TRANK1: variants seen among roughly 807,000 people sequenced by gnomAD.
The protein encoded by TRANK1 is tetratricopeptide repeat and ankyrin repeat containing 1.
A neutral mutation model predicts 266.0 loss-of-function variants in TRANK1; 198 were observed. The observed-to-expected ratio is 0.74, with a 90% CI of 0.66 to 0.84. TRANK1 has a LOEUF of 0.84. TRANK1 is among the 40% of genes least tolerant of loss of function. TRANK1 has a pLI of 0.00. For synonymous variants in TRANK1, 1,396 were observed against 1,384.1 expected, an observed-to-expected ratio of 1.01 and a Z score of -0.19; for missense variants, 3,326 against 3,634.6, an observed-to-expected ratio of 0.92 and a Z score of 2.18.
chr3:36,850,147 GT>G (rs2078967603), intron 15 of TRANK1: 2 of 985,244 alleles, frequency 2.0e-6, no homozygotes, highest in Admixed American at 6.2e-5. Flanking sequence ...AAACAACAAA[GT>G]CTTACCCTTC....
At chr3:36,886,151 T>G (rs1281730728) in intron 8 of TRANK1, among the ~76,000 whole-genome samples, 4 of 115,834 alleles carry the variant, frequency 3.5e-5, no homozygotes, top group Non-Finnish European at 6.9e-5. Context: ...TTTTTTTTTT[T>G]TGAGACAAGT....
chr3:36,927,108 T>G (rs2080299127), intron 1 of TRANK1, among the ~76,000 whole-genome samples: 4 of 152,164 alleles, frequency 2.6e-5, no homozygotes, highest in African/African-American at 9.7e-5. Context: ...AGGCTGCAAA[T>G]GCTGTTCCCC....
intron 1 of TRANK1, among the ~76,000 whole-genome samples, chr3:36,936,118 G>A (rs920408907): frequency 1.4e-4 from 22 of 152,156 alleles, no homozygotes; most frequent in Admixed American, 1.3e-3. Flanking sequence ...AATGCTAAAA[G>A]CTAAGAACAA....
Position 36,833,586 on chromosome 3 carries a change from A to AT in TRANK1, c.5996dup (p.Asn1999LysfsTer20). ...GTTCTATGTCGGAATCCCTGGCCAC[A>AT]TTGAGGCGGGCGGCCCCCAGCAGAC... On this transcript the variant is annotated frameshift_variant, in exon 22 of 24. Transcript: ENST00000645898. LOFTEE classifies it high-confidence loss of function. 1 of 1,613,940 alleles carries AT rather than the reference A, an allele frequency of 6.2e-7. No homozygotes were observed. The highest frequency in any genetic ancestry group is 8.5e-7 in the Non-Finnish European group (1 of 1,179,884).
At chr3:36,912,545 A>G (rs1159647274) in intron 1 of TRANK1, among the ~76,000 whole-genome samples, 3 of 152,222 alleles carry the variant, frequency 2.0e-5, no homozygotes, top group Non-Finnish European at 2.9e-5. Context: ...CTATGTCTCT[A>G]TGAGAATTCA....
intron 1 of TRANK1, among the ~76,000 whole-genome samples, chr3:36,920,665 G>A (rs2080201756): frequency 6.6e-6 from 1 of 152,158 alleles, no homozygotes; most frequent in South Asian, 2.1e-4. Context: ...CTACGTTTCA[G>A]CTGCATTTTG....
intron 13 of TRANK1, among the ~76,000 whole-genome samples, chr3:36,853,720 G>A (rs1159212854): frequency 2.0e-5 from 3 of 152,134 alleles, no homozygotes; most frequent in Admixed American, 6.5e-5. Flanking sequence ...ACTATACATG[G>A]ATAAACCTTA....
Position 36,904,998 on chromosome 3 carries a change from T to A in TRANK1, c.156-1723A>T, listed in dbSNP as rs549895438. On this transcript the variant is annotated intron_variant, in intron 2 of 23. Transcript: ENST00000645898. ...TCCCCAACTGCCAAAAAAAAAAAAA[T>A]CCCTGGGTAGGCCGGGCACAGTGGC... Among the ~76,000 whole-genome samples, 164 of 150,064 alleles carry A rather than the reference T, an allele frequency of 1.1e-3. 1 individual carries two copies. Among genetic ancestry groups the A allele is most frequent in the Admixed American group, 1.9e-3 (28 of 15,098 alleles).
intron 1 of TRANK1, among the ~76,000 whole-genome samples, chr3:36,912,731 A>G (rs927729004): frequency 5.9e-5 from 9 of 152,186 alleles, no homozygotes; most frequent in Non-Finnish European, 1.2e-4. Context: ...GAAGTTCTGT[A>G]ACTGACATAC....
intron 1 of TRANK1, 121 bp downstream of exon 1, chr3:36,944,666 G>A: frequency 1.7e-6 from 2 of 1,201,602 alleles, no homozygotes; most frequent in African/African-American, 1.6e-5. Flanking sequence ...GGATGGCCGG[G>A]CGGGCCCGTT....
chr3:36,900,951 C>T (rs1412706419), intron 3 of TRANK1, among the ~76,000 whole-genome samples: 1 of 149,976 alleles, frequency 6.7e-6, no homozygotes, highest in African/African-American at 2.4e-5. Flanking sequence ...AAATTTCTGG[C>T]TATTTAATGA....
intron 15 of TRANK1, 76 bp from the exon 16 acceptor site, chr3:36,847,422 G>GA: frequency 6.5e-7 from 1 of 1,532,782 alleles, no homozygotes; most frequent in South Asian, 1.2e-5. Context: ...GAGCTTCATG[G>GA]AAAACTAAGC....
At position 36,908,666 on chromosome 3, in the gene TRANK1, G is replaced by A; in HGVS notation, c.24-212C>T. 4 of 1,216,712 alleles carry A rather than the reference G, an allele frequency of 3.3e-6. No homozygotes were observed. The South Asian group carries it at 1.3e-4, about 39-fold the overall frequency. 75.4% of individuals were successfully genotyped at this position (1,216,712 alleles called of 1,614,324 possible). On this transcript the variant is annotated intron_variant, in intron 1 of 23. Coordinates refer to ENST00000645898, the MANE Select transcript of TRANK1 (RefSeq NM_001329998.2). ...TTGTCAGTTCTTTTCTGTTCTCAAG[G>A]GTGGCCAGACCAATTCCATTTATTC...
In TRANK1 at chr3:36,832,801, A is replaced by G. The variant is rs201907431; in HGVS notation, c.6782T>C (p.Met2261Thr). 573 of 1,613,932 alleles carry G rather than the reference A, an allele frequency of 3.6e-4. No individual in the cohort carries two copies. Among genetic ancestry groups the G allele is most frequent in the Non-Finnish European group, 4.6e-4 (548 of 1,179,898 alleles). The stretch of plus-strand genomic sequence containing the variant: ...CAGAATGGACTTGCAAAGGCCATAC[A>G]TATCTGTAGACAAAATATAATCAAT... Reference protein sequence around the residue: ...KEIDYILSTDMYGLCKSILDV... With the variant: ...KEIDYILSTDTYGLCKSILDV... The change falls in exon 22 of 24, where the codon ATG becomes ACG. Residue 2261 changes from methionine to threonine, a missense_variant. Transcript: ENST00000645898.
At chr3:36,924,659 G>C (rs1171607984) in intron 1 of TRANK1, among the ~76,000 whole-genome samples, 1 of 152,166 alleles carries the variant, frequency 6.6e-6, no homozygotes, top group Non-Finnish European at 1.5e-5. Flanking sequence ...AGGCTCAACT[G>C]TTGGCTGCTT....
intron 8 of TRANK1, among the ~76,000 whole-genome samples, chr3:36,879,769 TA>T (rs1178016981): frequency 1.0e-5 from 1 of 96,956 alleles, no homozygotes; most frequent in Non-Finnish European, 1.9e-5. Flanking sequence ...TAAATATATA[TA>T]AATATATATA....
At chr3:36,867,188 C>T (rs1045133553) in intron 9 of TRANK1, among the ~76,000 whole-genome samples, 1 of 151,732 alleles carries the variant, frequency 6.6e-6, no homozygotes, top group Non-Finnish European at 1.5e-5. Flanking sequence ...AGGATGAAAA[C>T]TCACAGTACA....
intron 3 of TRANK1, 46 bp downstream of exon 3, chr3:36,903,103 A>G: frequency 3.3e-6 from 5 of 1,521,016 alleles, no homozygotes; most frequent in South Asian, 1.2e-5. Flanking sequence ...CACCACCCCA[A>G]TACTCTCAAG....
chr3:36,929,385 A>T (rs1457827574), intron 1 of TRANK1: 2 of 152,194 alleles, frequency 1.3e-5, no homozygotes, highest in African/African-American at 4.8e-5. Context: ...CAAAGTGCTG[A>T]GATTACAGGC....
Sources: gnomAD v4.1 joint callset for allele counts (sites outside exome capture counted in the v4.1 genomes callset) on GRCh38, gnomAD v4.1.1 for gene constraint, MANE v1.5 for transcripts, NCBI Gene and HGNC (gene_info 2026-07-23, HGNC 2026-07-21) for gene names.